CORO7: variants seen among roughly 807,000 people sequenced by gnomAD.
CORO7 encodes coronin 7.
In CORO7, 107 loss-of-function variants were observed where a neutral mutation model predicts 126.6. That is an observed-to-expected ratio of 0.85 (90% CI 0.72 to 0.99). CORO7 has a LOEUF of 0.99. CORO7 is among the 50% of genes least tolerant of loss of function. CORO7 has a pLI of 0.00. For synonymous variants in CORO7, 603 were observed against 536.8 expected (o/e 1.12, Z -1.70); for missense variants, 1,314 against 1,255.8 (o/e 1.05, Z -0.70).
intron 18 of CORO7, 26 bp from the exon 19 acceptor site, chr16:4,361,111 A>G (rs1268787290): frequency 6.2e-7 from 1 of 1,613,258 alleles, no homozygotes; most frequent in South Asian, 1.1e-5. Context: ...GGTGATCAGG[A>G]GCCCTTGGGA....
At chr16:4,391,963 C>G (rs112846538) in intron 7 of CORO7, among the ~76,000 whole-genome samples, 1 of 152,176 alleles carries the variant, frequency 6.6e-6, no homozygotes, top group African/African-American at 2.4e-5. Context: ...ATCACCATGG[C>G]GACACTTCCT....
Position 4,416,456 on chromosome 16 carries a change from C to T in CORO7, c.60+3G>A, listed in dbSNP as rs2056415840. 1.9e-6 allele frequency: 3 copies of T among 1,572,832 alleles called. No individual in the cohort carries two copies. Among genetic ancestry groups the T allele is most frequent in the Non-Finnish European group, 2.6e-6 (3 of 1,163,768 alleles). On this transcript the variant is annotated splice_donor_region_variant and intron_variant, in intron 1 of 27. Coordinates refer to ENST00000251166, the MANE Select transcript of CORO7 (RefSeq NM_024535.5). The stretch of plus-strand genomic sequence containing the variant: ...CAGCGCCCGGTCCTCGGGCCGGACT[C>T]ACCTCGCGGCGGGGCGGCCGAGCCT...
intron 9 of CORO7, chr16:4,382,632 GCTC>G: frequency 6.4e-7 from 1 of 1,563,836 alleles, no homozygotes; most frequent in Non-Finnish European, 8.6e-7. Context: ...TGGCCGCGGT[GCTC>G]CTGGCCGCGC....
chr16:4,387,696 C>T (rs1037163445), intron 9 of CORO7: 1 of 520,652 alleles, frequency 1.9e-6, no homozygotes, highest in Non-Finnish European at 3.5e-6. Context: ...CACCCTCTCC[C>T]TGAATGCCAA....
chr16:4,369,031 A>G (rs906671723), intron 9 of CORO7, among the ~76,000 whole-genome samples: 6 of 152,216 alleles, frequency 3.9e-5, no homozygotes, highest in African/African-American at 1.4e-4. Context: ...CGCTGAGCCA[A>G]CTGCCTGAGG....
rs745894837 is a variant in CORO7, at chr16:4,361,313, T to G, written c.1687+48A>C. The stretch of plus-strand genomic sequence containing the variant: ...AGACCTCTGGGCTCCCCAGCCCCTA[T>G]CCGGGACCCAGGACCCTCCCTCAAG... On this transcript the variant is annotated intron_variant, in intron 17 of 27. Coordinates refer to ENST00000251166, the MANE Select transcript of CORO7 (RefSeq NM_024535.5). 5.0e-6 allele frequency: 8 copies of G among 1,610,404 alleles called. No homozygotes were observed. The South Asian group carries it at 5.5e-5, about 11-fold the overall frequency.
Position 4,361,267 on chromosome 16 carries a change from G to T in CORO7, c.1688-19C>A. The T allele has an allele frequency of 6.2e-7, 1 of 1,612,328 alleles. No individual in the cohort carries two copies. Among genetic ancestry groups the T allele is most frequent in the Non-Finnish European group, 8.5e-7 (1 of 1,179,844 alleles). ...TCACCAGCTGCAGAGGACAGACAGG[G>T]GCTCATCATTGCTGAGCCCAAGACC... On this transcript the variant is annotated intron_variant, in intron 17 of 27. Coordinates refer to ENST00000251166, the MANE Select transcript of CORO7 (RefSeq NM_024535.5).
In CORO7 at chr16:4,395,412, C is replaced by G. The variant is rs966271005; in HGVS notation, c.565-73G>C. The G allele has an allele frequency of 1.9e-6, 3 of 1,597,970 alleles. No individual in the cohort carries two copies. The African/African-American group carries it at 4.0e-5, about 21-fold the overall frequency. On this transcript the variant is annotated intron_variant, in intron 6 of 27. Coordinates refer to ENST00000251166, the MANE Select transcript of CORO7 (RefSeq NM_024535.5). ...TCCCTGGAAGCCAGCCTGCTCCCCT[C>G]ACCTCCCAACCCCCAGCTCTGAGCA...
chr16:4,363,002 C>T (rs1350227218), intron 14 of CORO7: 2 of 374,870 alleles, frequency 5.3e-6, no homozygotes, highest in East Asian at 7.8e-5. Context: ...GTTAGATCTG[C>T]CAGTATTTTA....
At chr16:4,407,941 G>A (rs986797287) in intron 4 of CORO7, among the ~76,000 whole-genome samples, 3 of 152,176 alleles carry the variant, frequency 2.0e-5, no homozygotes, top group Non-Finnish European at 4.4e-5. Flanking sequence ...TGGCTCTACT[G>A]TTTCTGGCAG....
intron 5 of CORO7, 41 bp downstream of exon 5, chr16:4,407,460 G>C: frequency 6.4e-7 from 1 of 1,550,920 alleles, no homozygotes; most frequent in Non-Finnish European, 8.7e-7. Context: ...GCTGTCCAGA[G>C]TGGGGCTGCC....
Position 4,355,099 on chromosome 16 carries a change from C to T in CORO7, c.*59G>A, listed in dbSNP as rs1379050706. The T allele has an allele frequency of 6.2e-6, 9 of 1,459,642 alleles. No homozygotes were observed. The highest frequency in any genetic ancestry group is 5.2e-5 in the Admixed American group (2 of 38,352). The allele number at this position is 1,459,642 out of a possible 1,614,324, so 90.4% of individuals were successfully genotyped here. A position where few individuals can be genotyped will look rare whatever the true frequency, so the allele number is the denominator to read the frequency against. On this transcript the variant is annotated 3_prime_UTR_variant, in exon 28 of 28. Transcript: ENST00000251166. ...GGTATCTTCCAGCTTGAGGATGAGC[C>T]GTGAGGTGTGCACTAGGAAGTGGCA...
rs1391212740 is a variant in CORO7, at chr16:4,362,352, T to C, written c.1403-192A>G. On this transcript the variant is annotated intron_variant, in intron 15 of 27. Transcript: ENST00000251166. This position sits in a 1 kb window ranked among gnomAD's most constrained non-coding sequence, Gnocchi z 5.3. ...GTCTGGAATGATATACCCTGTTCCA[T>C]GGTGGCTCGGGGAATCTTGGTGGAG... 6.6e-6 allele frequency among the ~76,000 whole-genome samples: 1 copy of C among 152,128 alleles called. No individual in the cohort carries two copies. The highest frequency in any genetic ancestry group is 1.9e-4 in the East Asian group (1 of 5,196).
intron 1 of CORO7, 105 bp downstream of exon 1, chr16:4,416,354 G>C (rs1029121063): frequency 2.2e-6 from 3 of 1,363,248 alleles, no homozygotes; most frequent in African/African-American, 3.1e-5. Context: ...GGAGGTCTCG[G>C]GGTTCCAGAC....
intron 3 of CORO7, among the ~76,000 whole-genome samples, chr16:4,409,461 T>A (rs2141326150): frequency 6.6e-6 from 1 of 152,288 alleles, no homozygotes; most frequent in South Asian, 2.1e-4. Flanking sequence ...GCAATCTGAG[T>A]GCTCAGCATG....
In CORO7 at chr16:4,365,042, A is replaced by G; in HGVS notation, c.859T>C (p.Cys287Arg). The G allele has an allele frequency of 6.2e-7, 1 of 1,604,042 alleles. No homozygotes were observed. Among genetic ancestry groups the G allele is most frequent in the Non-Finnish European group, 8.5e-7 (1 of 1,175,684 alleles). ...GGCTGCTGCGGGACCACCTCGTAAC[A>G]GTACAGCTGCCTCTCGCCCTGAAAT... ...LAGKGERQLYCYEVVPQQPAL... is the reference protein window; with the variant it reads ...LAGKGERQLYRYEVVPQQPAL... The change falls in exon 11 of 28, where the codon TGT (cysteine) becomes CGT (arginine). Residue 287 changes from cysteine to arginine, a missense_variant. By Grantham distance (180) the Cys-to-Arg change is radical (BLOSUM62 -3). Transcript: ENST00000251166.
chr16:4,407,019 C>T (rs2056024397), intron 5 of CORO7, among the ~76,000 whole-genome samples: 1 of 149,512 alleles, frequency 6.7e-6, no homozygotes, highest in Non-Finnish European at 1.5e-5. Flanking sequence ...GCAATCTCGG[C>T]TCACTGCAAC....
At chr16:4,390,627 G>A (rs1207794610) in intron 7 of CORO7, among the ~76,000 whole-genome samples, 2 of 152,322 alleles carry the variant, frequency 1.3e-5, no homozygotes, top group Non-Finnish European at 2.9e-5. Context: ...TCCCCCAGGG[G>A]CTGCCACTGA....
chr16:4,365,681 C>A, intron 9 of CORO7, 136 bp from the exon 10 acceptor site: 1 of 1,170,346 alleles, frequency 8.5e-7, no homozygotes, highest in South Asian at 1.5e-5. Context: ...AGCCTGGTCC[C>A]CAGGAACCCC....
Sources: gnomAD v4.1 joint callset for allele counts (sites outside exome capture counted in the v4.1 genomes callset) on GRCh38, gnomAD v4.1.1 for gene constraint, Gnocchi (gnomAD v3.1) non-coding constraint, MANE v1.5 for transcripts, NCBI Gene and HGNC (gene_info 2026-07-23, HGNC 2026-07-21) for gene names.